The following BEST3 variants were observed in gnomAD, a reference collection of about 807,000 sequenced individuals.
BEST3 encodes bestrophin 3, also known as bestrophin-3.
BEST3 carries 50 observed loss-of-function variants against 47.1 expected under a neutral mutation model. The ratio of observed to expected loss-of-function variants is 1.06; its 90% CI spans 0.85 to 1.34. The LOEUF is 1.34. BEST3 is among the 40% of genes most tolerant of loss of function. The pLI, the probability that BEST3 is intolerant of heterozygous loss-of-function variation, is 0.00. For missense variants in BEST3, 765 were observed against 817.0 expected (o/e 0.94, Z 0.78); for synonymous variants, 282 against 298.8 (o/e 0.94, Z 0.58).
In BEST3 at chr12:69,671,457, G is replaced by A. The variant is rs1335774193; in HGVS notation, c.1071C>T (p.Pro357=). The change falls in exon 9 of 10, where the codon CCC becomes CCT. Residue 357 remains proline, a synonymous_variant. Coordinates refer to ENST00000330891, the MANE Select transcript of BEST3 (RefSeq NM_032735.3). ...YTLAAADYCI[P]SFLGSTVQMG... ...TCTGGACTGTTGACCCCAGAAATGA[G>A]GGTATGCAGTAGTCAGCAGCTGCCA... 2 of 1,614,042 alleles carry A rather than the reference G, an allele frequency of 1.2e-6. No individual in the cohort carries two copies. Among genetic ancestry groups the A allele is most frequent in the East Asian group, 2.2e-5 (1 of 44,876 alleles).
At chr12:69,678,351 A>G (rs1885046059) in intron 5 of BEST3, among the ~76,000 whole-genome samples, 1 of 152,096 alleles carries the variant, frequency 6.6e-6, no homozygotes, top group African/African-American at 2.4e-5. Context: ...TTGGGGAAAT[A>G]TTAGGCTGGG....
In BEST3 at chr12:69,699,237, A is replaced by G; in HGVS notation, c.-48T>C. 1 of 985,446 alleles carries G rather than the reference A, an allele frequency of 1.0e-6. No homozygotes were observed. Among genetic ancestry groups the G allele is most frequent in the Non-Finnish European group, 1.2e-6 (1 of 829,938 alleles). 61.0% of individuals were successfully genotyped at this position (985,446 alleles called of 1,614,324 possible). A position where few individuals can be genotyped will look rare whatever the true frequency, so the allele number is the denominator to read the frequency against. On this transcript the variant is annotated 5_prime_UTR_variant, in exon 1 of 10. Transcript: ENST00000330891. ...TTTGGTTTGTAGTCTCCGACAGGAA[A>G]GAGAATCTTCAAATTTCGGGCTCCC...
chr12:69,658,339 C>T (rs1450967961), intron 9 of BEST3, among the ~76,000 whole-genome samples: 2 of 152,144 alleles, frequency 1.3e-5, no homozygotes, highest in Non-Finnish European at 2.9e-5. Flanking sequence ...ATACCTTCAA[C>T]TGCAGCAAGA....
intron 4 of BEST3, among the ~76,000 whole-genome samples, chr12:69,682,155 T>C (rs1885296678): frequency 6.6e-6 from 1 of 151,780 alleles, no homozygotes; most frequent in South Asian, 2.1e-4. Context: ...TCAATTGATC[T>C]AGGATGAGGC....
chr12:69,648,131 A>G (rs1331035297), intron 9 of BEST3, among the ~76,000 whole-genome samples: 1 of 152,174 alleles, frequency 6.6e-6, no homozygotes, highest in Non-Finnish European at 1.5e-5. Context: ...AGGGATGTAG[A>G]GATGCAAGGA....
intron 9 of BEST3, among the ~76,000 whole-genome samples, chr12:69,666,080 C>T (rs1238558478): frequency 1.3e-5 from 2 of 152,130 alleles, no homozygotes; most frequent in African/African-American, 4.8e-5. Context: ...AGTGCAGTGG[C>T]ATGAGCTTGG....
chr12:69,675,928 T>C (rs1244298018), intron 7 of BEST3, among the ~76,000 whole-genome samples: 2 of 152,208 alleles, frequency 1.3e-5, no homozygotes, highest in East Asian at 1.9e-4. Flanking sequence ...ATTTGAAAAT[T>C]CTACTTTACG....
At chr12:69,673,626 T>G (rs1884717474) in intron 7 of BEST3, among the ~76,000 whole-genome samples, 1 of 151,830 alleles carries the variant, frequency 6.6e-6, no homozygotes, top group Non-Finnish European at 1.5e-5. Flanking sequence ...TTTTTTTCAG[T>G]AGAGATGGGG....
chr12:69,644,579 A>G (rs1158156967), intron 9 of BEST3, among the ~76,000 whole-genome samples: 1 of 152,196 alleles, frequency 6.6e-6, no homozygotes, highest in Non-Finnish European at 1.5e-5. Flanking sequence ...GATTGAGGAC[A>G]TAAGGTTTTT....
rs146922534 is a variant in BEST3 at position 69,685,410 on chromosome 12, G to A, written c.482-6517C>T. ...TCTGAGGCAATTTGCAGATGAAATC[G>A]GAGGAATTAATTGATGTGTTCTAGT... is the stretch of plus-strand genomic sequence containing the variant. On this transcript the variant is annotated intron_variant, in intron 4 of 9. Coordinates refer to ENST00000330891, the MANE Select transcript of BEST3 (RefSeq NM_032735.3). Among the ~76,000 whole-genome samples the A allele has an allele frequency of 1.2e-3, 178 of 152,246 alleles. 2 individuals are homozygous for A. The highest frequency in any genetic ancestry group is 5.7e-3 in the Admixed American group (87 of 15,292).
At chr12:69,653,538 A>T, downstream of BEST3, 1 of 717,006 alleles carries the variant, frequency 1.4e-6, no homozygotes, top group Non-Finnish European at 1.7e-6. Context: ...CGTCTTTAAA[A>T]TGGAAATAAC....
At position 69,688,986 on chromosome 12, in the gene BEST3, A is replaced by G. The variant is rs142132847; in HGVS notation, c.481+4688T>C. The G allele has an allele frequency of 1.2e-3, 644 of 531,806 alleles. 4 individuals are homozygous for G. The African/African-American group carries it at 0.013, about 11-fold the overall frequency. The allele number at this position is 531,806 out of a possible 1,614,324, so 32.9% of individuals were successfully genotyped here. Reference sequence around the variant, plus strand: ...TGTACTTTTTCTTACAGGTGATTTTATGTAGAGAATTCAACTGACAAGAAG... The same window carrying G: ...TGTACTTTTTCTTACAGGTGATTTTGTGTAGAGAATTCAACTGACAAGAAG... On this transcript the variant is annotated intron_variant, in intron 4 of 9. Transcript: ENST00000330891.
At chr12:69,658,762 G>GA (rs1465223688) in intron 9 of BEST3, among the ~76,000 whole-genome samples, 1 of 152,170 alleles carries the variant, frequency 6.6e-6, no homozygotes, top group East Asian at 1.9e-4. Flanking sequence ...AAGGCAGCAG[G>GA]AAAGTTTAGG....
At chr12:69,694,249 A>T (rs1175767742) in intron 3 of BEST3, 121 bp downstream of exon 3, 2 of 638,856 alleles carry the variant, frequency 3.1e-6, no homozygotes, top group Non-Finnish European at 5.4e-6. Context: ...TTCTGGTTCT[A>T]TTGCAAGCGG....
chr12:69,665,734 T>C (rs1401637721), intron 9 of BEST3, among the ~76,000 whole-genome samples: 1 of 152,232 alleles, frequency 6.6e-6, no homozygotes, highest in Non-Finnish European at 1.5e-5. Flanking sequence ...CCCTGTCTCT[T>C]AGTGAATACA....
intron 9 of BEST3, among the ~76,000 whole-genome samples, chr12:69,658,195 T>G (rs576403435): frequency 1.1e-4 from 16 of 152,332 alleles, no homozygotes; most frequent in Non-Finnish European, 2.1e-4. Flanking sequence ...GGATTTGTTT[T>G]TTTAAACTAC....
At chr12:69,677,504 G>A (rs1431450950) in intron 5 of BEST3, among the ~76,000 whole-genome samples, 4 of 152,252 alleles carry the variant, frequency 2.6e-5, no homozygotes, top group Non-Finnish European at 4.4e-5. Flanking sequence ...GTCATGGCCA[G>A]GTGTGGTGGC....
intron 4 of BEST3, among the ~76,000 whole-genome samples, chr12:69,685,744 C>G (rs1308775197): frequency 6.6e-6 from 1 of 152,078 alleles, no homozygotes; most frequent in African/African-American, 2.4e-5. Context: ...CCCTAGGTTG[C>G]CTAGGAATCT....
At chr12:69,653,470 C>T, downstream of BEST3, 1 of 265,382 alleles carries the variant, frequency 3.8e-6, no homozygotes, top group Non-Finnish European at 5.8e-6. Context: ...TGAACACTGT[C>T]ACTTCTCGGC....
Sources: gnomAD v4.1 joint callset for allele counts (sites outside exome capture counted in the v4.1 genomes callset) on GRCh38, gnomAD v4.1.1 for gene constraint, MANE v1.5 for transcripts, NCBI Gene and HGNC (gene_info 2026-07-23, HGNC 2026-07-21) for gene names.